The following SMCO3 variants were observed in gnomAD, a reference collection of about 807,000 sequenced individuals.
SMCO3 encodes single-pass membrane and coiled-coil domain-containing protein 3.
Under a neutral mutation model 12.0 loss-of-function variants are expected in SMCO3, and 6 were observed. The observed-to-expected ratio is 0.50, with a 90% CI of 0.27 to 0.99. The LOEUF is 0.99. SMCO3 is among the 50% of genes least tolerant of loss of function. The probability of loss-of-function intolerance (pLI) is 0.11; values close to 1 mark genes in which losing one functional copy is unlikely to be tolerated. For synonymous variants in SMCO3, 96 were observed against 96.4 expected, an observed-to-expected ratio of 1.00 and a Z score of 0.02; for missense variants, 279 against 265.0, an observed-to-expected ratio of 1.05 and a Z score of -0.37.
intron 1 of SMCO3, among the ~76,000 whole-genome samples, chr12:14,813,193 G>A (rs1336536996): frequency 1.3e-5 from 2 of 152,148 alleles, no homozygotes; most frequent in African/African-American, 4.8e-5. Context: ...GAAAGAAAAA[G>A]AAAAACGTGA....
rs767051517 is a variant in SMCO3, at chr12:14,806,139, C to T, written c.542G>A (p.Gly181Glu). 3.1e-5 allele frequency: 50 copies of T among 1,613,942 alleles called. No individual in the cohort carries two copies. Among genetic ancestry groups the T allele is most frequent in the Non-Finnish European group, 4.1e-5 (48 of 1,180,018 alleles). ...GIDMIVRAIL[G>E]AVEKTQLQAA... The stretch of plus-strand genomic sequence containing the variant: ...TTGAAGCTGTGTTTTTTCCACTGCT[C>T]CCAGGATGGCACGGACAATCATATC... The change falls in exon 2 of 2, where the codon GGA (glycine) becomes GAA (glutamate). Residue 181 changes from glycine (G) to glutamate (E), a missense_variant. By Grantham distance (98) the Gly-to-Glu change is moderately conservative. Coordinates refer to ENST00000316048, the MANE Select transcript of SMCO3 (RefSeq NM_001013698.2).
Position 14,806,126 on chromosome 12 carries a change from T to C in SMCO3, c.555A>G (p.Lys185=). ...TTTTGATGGCTGCTTGAAGCTGTGT[T>C]TTTTCCACTGCTCCCAGGATGGCAC... ...IVRAILGAVE[K]TQLQAAIKSY... The change falls in exon 2 of 2, where the codon AAA becomes AAG. Residue 185 remains lysine (K), a synonymous_variant. Coordinates refer to ENST00000316048, the MANE Select transcript of SMCO3 (RefSeq NM_001013698.2). The C allele has an allele frequency of 6.2e-7, 1 of 1,614,142 alleles. No homozygotes were observed. The highest frequency in any genetic ancestry group is 2.2e-5 in the East Asian group (1 of 44,872).
At chr12:14,809,213 GATAAACAA>G (rs1950099863) in intron 1 of SMCO3, among the ~76,000 whole-genome samples, 1 of 152,174 alleles carries the variant, frequency 6.6e-6, no homozygotes, top group Non-Finnish European at 1.5e-5. Flanking sequence ...TCTACCTCAA[GATAAACAA>G]ATGGAGAAAT....
intron 1 of SMCO3, 95 bp downstream of exon 1, chr12:14,814,031 T>C (rs1950180904): frequency 6.6e-6 from 1 of 152,148 alleles, no homozygotes; most frequent in Non-Finnish European, 1.5e-5. Flanking sequence ...TTATTTATGG[T>C]TAGGATTCAA....
intron 1 of SMCO3, among the ~76,000 whole-genome samples, chr12:14,811,306 T>C (rs1275809753): frequency 1.3e-5 from 2 of 152,316 alleles, no homozygotes; most frequent in Middle Eastern, 3.4e-3. Flanking sequence ...GTGGAGCTCT[T>C]GGTCTCTGGG....
intron 1 of SMCO3, among the ~76,000 whole-genome samples, chr12:14,813,489 TA>T (rs1170187775): frequency 1.3e-5 from 2 of 152,218 alleles, no homozygotes; most frequent in African/African-American, 4.8e-5. Context: ...TAAATTCATT[TA>T]AAAAATGTTT....
At chr12:14,811,392 G>T (rs916192858) in intron 1 of SMCO3, among the ~76,000 whole-genome samples, 2 of 152,044 alleles carry the variant, frequency 1.3e-5, no homozygotes, top group Non-Finnish European at 2.9e-5. Context: ...TTGGGCTCTG[G>T]GTAGGTAAAA....
chr12:14,807,187 AGT>A (rs1462338535), intron 1 of SMCO3, among the ~76,000 whole-genome samples: 1 of 152,192 alleles, frequency 6.6e-6, no homozygotes, highest in African/African-American at 2.4e-5. Context: ...GTGTATGGAA[AGT>A]GTAGGCAACA....
At position 14,805,889 on chromosome 12, in the gene SMCO3, T is replaced by C; in HGVS notation, c.*114A>G. 9.2e-7 allele frequency: 1 copy of C among 1,087,792 alleles called. No individual in the cohort carries two copies. The allele number at this position is 1,087,792 out of a possible 1,614,324, so 67.4% of individuals were successfully genotyped here. A position where few individuals can be genotyped will look rare whatever the true frequency, so the allele number is the denominator to read the frequency against. On this transcript the variant is annotated 3_prime_UTR_variant, in exon 2 of 2. Transcript: ENST00000316048. Reference sequence around the variant, plus strand: ...CTCCAGTTTCCCTCTCCAAATTGTTTATCTTATTTAAGTCCATATTGGAAG... The same window carrying C: ...CTCCAGTTTCCCTCTCCAAATTGTTCATCTTATTTAAGTCCATATTGGAAG...
rs1565678383 is a variant in SMCO3, at chr12:14,806,359, C to A, written c.322G>T (p.Asp108Tyr). 2 of 1,614,216 alleles carry A rather than the reference C, an allele frequency of 1.2e-6. No individual in the cohort carries two copies. Among genetic ancestry groups the A allele is most frequent in the African/African-American group, 2.7e-5 (2 of 75,046 alleles). ...KLQDIKEKETDKIAIVQKVIS... is the reference protein window; with the variant it reads ...KLQDIKEKETYKIAIVQKVIS... Reference sequence around the variant, plus strand: ...ACCTTTTGCACTATTGCAATTTTGTCTGTTTCCTTTTCCTTAATATCCTGA... The same window carrying A: ...ACCTTTTGCACTATTGCAATTTTGTATGTTTCCTTTTCCTTAATATCCTGA... The change falls in exon 2 of 2, where the codon GAC becomes TAC. Residue 108 changes from aspartate to tyrosine, a missense_variant. By Grantham distance (160) the Asp-to-Tyr change is radical (BLOSUM62 -3). Coordinates refer to ENST00000316048, the MANE Select transcript of SMCO3 (RefSeq NM_001013698.2).
rs558247382 is a variant in SMCO3, at chr12:14,806,236, C to G, written c.445G>C (p.Val149Leu). ...GCACCAATTTGAGCTAACACAGTGA[C>G]CAACTTGTTAATTATGCCAGTTGTG... ...NVTTGIINKLVTVLAQIGASL... is the reference protein window; with the variant it reads ...NVTTGIINKLLTVLAQIGASL... Residue 149 changes from valine to leucine, a missense_variant, in exon 2 of 2, where the codon GTC (valine) becomes CTC (leucine). By Grantham distance (32) the Val-to-Leu change is conservative. Transcript: ENST00000316048. The G allele has an allele frequency of 6.2e-7, 1 of 1,614,186 alleles. No homozygotes were observed. The highest frequency in any genetic ancestry group is 8.5e-7 in the Non-Finnish European group (1 of 1,180,018).
rs1592228052 is a variant in SMCO3 at position 14,805,732 on chromosome 12, A to G, written c.*271T>C. Reference sequence around the variant, plus strand: ...TACTTGCTACTCTACGATAGCATTTACCCCAATGTTGATCTGGTAGAGCAG... The same window carrying G: ...TACTTGCTACTCTACGATAGCATTTGCCCCAATGTTGATCTGGTAGAGCAG... On this transcript the variant is annotated 3_prime_UTR_variant, in exon 2 of 2. Transcript: ENST00000316048. 2.6e-6 allele frequency: 1 copy of G among 390,646 alleles called. No individual in the cohort carries two copies. Among genetic ancestry groups the G allele is most frequent in the East Asian group, 4.3e-5 (1 of 23,286 alleles). The allele number at this position is 390,646 out of a possible 1,614,324, so 24.2% of individuals were successfully genotyped here.
chr12:14,810,583 T>G (rs1439614659), intron 1 of SMCO3, among the ~76,000 whole-genome samples: 1 of 152,210 alleles, frequency 6.6e-6, no homozygotes, highest in Non-Finnish European at 1.5e-5. Context: ...AAGTAATATG[T>G]CGTACAAAAT....
At chr12:14,807,285 A>G (rs1292870911) in intron 1 of SMCO3, among the ~76,000 whole-genome samples, 1 of 152,268 alleles carries the variant, frequency 6.6e-6, no homozygotes, top group Non-Finnish European at 1.5e-5. Context: ...TCTGTTTATT[A>G]ATAAGCGTGA....
intron 1 of SMCO3, among the ~76,000 whole-genome samples, chr12:14,808,710 C>G (rs1950092936): frequency 1.3e-5 from 2 of 152,304 alleles, no homozygotes; most frequent in Non-Finnish European, 2.9e-5. Flanking sequence ...GAAAAATGCA[C>G]TGGAACCTCC....
intron 1 of SMCO3, among the ~76,000 whole-genome samples, chr12:14,808,494 A>G (rs945900770): frequency 6.6e-5 from 10 of 152,126 alleles, no homozygotes; most frequent in African/African-American, 9.7e-5. Context: ...TTTGGACCGT[A>G]TGTCTTCTAG....
At position 14,806,046 on chromosome 12, in the gene SMCO3, G is replaced by T; in HGVS notation, c.635C>A (p.Ala212Asp). 1.2e-6 allele frequency: 2 copies of T among 1,614,046 alleles called. No homozygotes were observed. Among genetic ancestry groups the T allele is most frequent in the Non-Finnish European group, 1.7e-6 (2 of 1,179,998 alleles). ...CACTGTATTGATGACCTCAGTAATG[G>T]CATGATTATATTTTTCTGAGGCTGA... The part of the protein sequence containing the change: ...FKSASEKYNH[A>D]ITEVINTVKH... Residue 212 changes from alanine to aspartate, a missense_variant, in exon 2 of 2, where the codon GCC becomes GAC. Ala to Asp is a moderately radical substitution (Grantham distance 126). Transcript: ENST00000316048.
intron 1 of SMCO3, among the ~76,000 whole-genome samples, chr12:14,812,438 C>A (rs969253807): frequency 6.6e-6 from 1 of 150,740 alleles, no homozygotes; most frequent in African/African-American, 2.4e-5. Context: ...AGGGAGACTC[C>A]GTCTCAAAAA....
chr12:14,805,931 C>T lies in SMCO3; in HGVS notation c.*72G>A, dbSNP rs1367905491. 1 of 1,426,464 alleles carries T rather than the reference C, an allele frequency of 7.0e-7. No homozygotes were observed. Among genetic ancestry groups the T allele is most frequent in the Non-Finnish European group, 9.5e-7 (1 of 1,050,630 alleles). The allele number at this position is 1,426,464 out of a possible 1,614,324, so 88.4% of individuals were successfully genotyped here. ...TATTGGAAGCCTATAGAAAATGAACCTAATCAAAGAAGCAAACACTGTTAC... is the reference window on the plus strand; with the variant it reads ...TATTGGAAGCCTATAGAAAATGAACTTAATCAAAGAAGCAAACACTGTTAC... On this transcript the variant is annotated 3_prime_UTR_variant, in exon 2 of 2. Transcript: ENST00000316048.
Sources: allele counts gnomAD v4.1 joint callset (sites outside exome capture counted in the v4.1 genomes callset), GRCh38; gene constraint gnomAD v4.1.1; transcripts MANE v1.5; gene names NCBI Gene and HGNC (gene_info 2026-07-23, HGNC 2026-07-21).